The following SCAF4 variants were observed in gnomAD, a reference collection of about 807,000 sequenced individuals.
SCAF4 encodes the protein SR-related CTD associated factor 4, also known as SR-related and CTD-associated factor 4.
SCAF4 carries 25 observed loss-of-function variants against 129.8 expected under a neutral mutation model. That is an observed-to-expected ratio of 0.19 (90% CI 0.14 to 0.27). SCAF4 has a LOEUF of 0.27. Ranked by LOEUF, SCAF4 falls within the 10% of genes least tolerant of loss-of-function variation. The pLI is 1.00. For missense variants in SCAF4, 1,246 were observed against 1,457.1 expected (o/e 0.86, Z 2.36); for synonymous variants, 551 against 497.7 (o/e 1.11, Z -1.43).
chr21:31,682,551 C>T (rs57472164), intron 19 of SCAF4, among the ~76,000 whole-genome samples: 8,624 of 152,160 alleles, frequency 0.057, 294 homozygotes, highest in African/African-American at 0.088. Context: ...TAAGTGCCTG[C>T]CCTACAGCAG....
chr21:31,730,660 C>G (rs2051327502), intron 1 of SCAF4, among the ~76,000 whole-genome samples: 1 of 152,194 alleles, frequency 6.6e-6, no homozygotes, highest in African/African-American at 2.4e-5. Context: ...ACAACTCAAC[C>G]CATGACAATA....
intron 19 of SCAF4, among the ~76,000 whole-genome samples, chr21:31,677,567 T>G (rs758382850): frequency 2.6e-5 from 4 of 152,174 alleles, no homozygotes; most frequent in Non-Finnish European, 5.9e-5. Flanking sequence ...ACCAGGAGCC[T>G]TCATTTTGCT....
At chr21:31,710,678 G>A (rs1367850172) in intron 1 of SCAF4, among the ~76,000 whole-genome samples, 1 of 152,202 alleles carries the variant, frequency 6.6e-6, no homozygotes, top group Non-Finnish European at 1.5e-5. Flanking sequence ...CCAGAAATTA[G>A]AGACATCTGG....
intron 1 of SCAF4, among the ~76,000 whole-genome samples, chr21:31,730,305 T>C (rs939936168): frequency 2.0e-5 from 3 of 152,326 alleles, no homozygotes; most frequent in African/African-American, 7.2e-5. Context: ...ACATATTATT[T>C]TTATTGTTTT....
rs1482040003 is a variant in SCAF4, at chr21:31,684,739, C to G, written c.2488+310G>C. ...CGAACTCTGTACCAATTCCTTTGCA[C>G]AGAGATTACTTTTAATCATTTTTCT... On this transcript the variant is annotated intron_variant, in intron 19 of 19. Coordinates refer to ENST00000286835, the MANE Select transcript of SCAF4 (RefSeq NM_020706.2). 5 of 341,802 alleles carry G rather than the reference C, an allele frequency of 1.5e-5. No homozygotes were observed. In the East Asian group the frequency reaches 3.5e-4, roughly 24 times the overall value. 21.2% of individuals were successfully genotyped at this position (341,802 alleles called of 1,614,324 possible). A position where few individuals can be genotyped will look rare whatever the true frequency, so the allele number is the denominator to read the frequency against.
chr21:31,686,728 C>T (rs955563333), intron 16 of SCAF4, among the ~76,000 whole-genome samples: 70 of 152,282 alleles, frequency 4.6e-4, no homozygotes, highest in Middle Eastern at 3.4e-3. Context: ...TCTGTCAGAT[C>T]AGCGGCAGCA....
At chr21:31,717,894 TACAC>T (rs1380741334) in intron 1 of SCAF4, among the ~76,000 whole-genome samples, 1 of 107,358 alleles carries the variant, frequency 9.3e-6, no homozygotes, top group African/African-American at 4.0e-5. Context: ...TACACATATA[TACAC>T]ATATATACAC....
intron 1 of SCAF4, among the ~76,000 whole-genome samples, chr21:31,725,227 T>C (rs1030582668): frequency 5.3e-5 from 8 of 151,932 alleles, no homozygotes; most frequent in African/African-American, 1.9e-4. Flanking sequence ...TAGATAAACG[T>C]CTCAGAAATG....
chr21:31,723,629 T>C (rs539898102), intron 1 of SCAF4, among the ~76,000 whole-genome samples: 5,902 of 148,978 alleles, frequency 0.04, 170 homozygotes, highest in African/African-American at 0.079. Context: ...TGTGTGTGTG[T>C]GCGCGCGCGC....
chr21:31,683,447 C>G (rs762305802), intron 19 of SCAF4, among the ~76,000 whole-genome samples: 4 of 152,186 alleles, frequency 2.6e-5, no homozygotes, highest in Non-Finnish European at 5.9e-5. Context: ...AATGTTAAAT[C>G]ACAGGCAGGC....
At chr21:31,682,547 C>G (rs908674207) in intron 19 of SCAF4, among the ~76,000 whole-genome samples, 1 of 152,156 alleles carries the variant, frequency 6.6e-6, no homozygotes, top group African/African-American at 2.4e-5. Context: ...TCACTAAGTG[C>G]CTGCCCTACA....
intron 1 of SCAF4, among the ~76,000 whole-genome samples, chr21:31,730,883 G>A (rs566493477): frequency 2.6e-5 from 4 of 152,342 alleles, no homozygotes; most frequent in African/African-American, 9.6e-5. Flanking sequence ...GGGAGCCGAG[G>A]ATTAACTACC....
chr21:31,707,717 T>C (rs1440739485), intron 1 of SCAF4, among the ~76,000 whole-genome samples: 3 of 152,326 alleles, frequency 2.0e-5, no homozygotes, highest in Non-Finnish European at 4.4e-5. Context: ...GAACCTTTAC[T>C]AGACCACTAG....
intron 19 of SCAF4, among the ~76,000 whole-genome samples, chr21:31,682,623 G>A (rs2050023429): frequency 1.3e-5 from 2 of 152,128 alleles, no homozygotes; most frequent in Non-Finnish European, 2.9e-5. Flanking sequence ...CATTGTGTTT[G>A]TCATTTTTCT....
At chr21:31,703,095 T>TA (rs2050573973) in intron 4 of SCAF4, among the ~76,000 whole-genome samples, 1 of 152,152 alleles carries the variant, frequency 6.6e-6, no homozygotes, top group African/African-American at 2.4e-5. Flanking sequence ...AGGAATTAAA[T>TA]ACTGTAGTCT....
At position 31,694,245 on chromosome 21, in the gene SCAF4, A is replaced by G; in HGVS notation, c.1281T>C (p.His427=). The change falls in exon 11 of 20, where the codon CAT becomes CAC. Residue 427 remains histidine, a synonymous_variant. Coordinates refer to ENST00000286835, the MANE Select transcript of SCAF4 (RefSeq NM_020706.2). ...EQPCIQEVKR[H]MSDNRKSRSR... ...ATCTTGACTTTCTGTTATCAGACATATGTCGCTTAACCTCTTGAATACAAG... is the reference window on the plus strand; with the variant it reads ...ATCTTGACTTTCTGTTATCAGACATGTGTCGCTTAACCTCTTGAATACAAG... The G allele has an allele frequency of 6.2e-7, 1 of 1,610,384 alleles. No individual in the cohort carries two copies. The highest frequency in any genetic ancestry group is 1.1e-5 in the South Asian group (1 of 90,806).
chr21:31,697,169 A>G (rs371653573), intron 7 of SCAF4, among the ~76,000 whole-genome samples: 79 of 152,284 alleles, frequency 5.2e-4, no homozygotes, highest in African/African-American at 1.8e-3. Flanking sequence ...CATAATGCAT[A>G]TAGAAAAGTG....
rs2051367418 is a variant in SCAF4, at chr21:31,731,763, T to G, written c.-71A>C. 1 of 1,517,880 alleles carries G rather than the reference T, an allele frequency of 6.6e-7. No homozygotes were observed. The highest frequency in any genetic ancestry group is 8.8e-7 in the Non-Finnish European group (1 of 1,139,796). The allele number at this position is 1,517,880 out of a possible 1,614,324, so 94.0% of individuals were successfully genotyped here. A position where few individuals can be genotyped will look rare whatever the true frequency, so the allele number is the denominator to read the frequency against. On this transcript the variant is annotated 5_prime_UTR_variant, in exon 1 of 20. Transcript: ENST00000286835. Reference sequence around the variant, plus strand: ...ACCTCGCGCCGCGGCGGAGCGGGGCTGGGAAACCAGCCGGGCCTGGTGGCC... The same window carrying G: ...ACCTCGCGCCGCGGCGGAGCGGGGCGGGGAAACCAGCCGGGCCTGGTGGCC...
chr21:31,707,706 T>C (rs2050700892), intron 1 of SCAF4, among the ~76,000 whole-genome samples: 1 of 152,220 alleles, frequency 6.6e-6, no homozygotes, highest in Non-Finnish European at 1.5e-5. Context: ...CCCTAGGGTA[T>C]GAACCTTTAC....
Sources: gnomAD v4.1 joint callset for allele counts (sites outside exome capture counted in the v4.1 genomes callset) on GRCh38, gnomAD v4.1.1 for gene constraint, MANE v1.5 for transcripts, NCBI Gene and HGNC (gene_info 2026-07-23, HGNC 2026-07-21) for gene names.